HSD17B2: variants seen among roughly 807,000 people sequenced by gnomAD.
HSD17B2 encodes 17-beta-hydroxysteroid dehydrogenase type 2.
In HSD17B2, 32 loss-of-function variants were observed where a neutral mutation model predicts 26.9. The observed-to-expected ratio is 1.19, with a 90% CI of 0.90 to 1.60. HSD17B2 has a LOEUF of 1.60. Among genes scored for constraint, HSD17B2 ranks in the 40% most tolerant of loss-of-function variants. The pLI is 0.00. For missense variants in HSD17B2, 613 were observed against 468.6 expected (o/e 1.31, Z -2.85); for synonymous variants, 246 against 186.7 (o/e 1.32, Z -2.59).
intron 1 of HSD17B2, among the ~76,000 whole-genome samples, chr16:82,037,256 C>T (rs1482823440): frequency 1.3e-5 from 2 of 152,302 alleles, no homozygotes; most frequent in East Asian, 3.9e-4. Context: ...GTCACTTTCA[C>T]GTTCTTTGTT....
chr16:82,088,062 C>T (rs1158399217), intron 3 of HSD17B2, among the ~76,000 whole-genome samples: 1 of 152,128 alleles, frequency 6.6e-6, no homozygotes, highest in African/African-American at 2.4e-5. Context: ...ATCACAAAAG[C>T]TCATGTGCAC....
At chr16:82,093,208 C>T (rs1403028410) in intron 4 of HSD17B2, 1 of 152,192 alleles carries the variant, frequency 6.6e-6, no homozygotes, top group African/African-American at 2.4e-5. Context: ...CCTATATGAT[C>T]CTCTACCATC....
chr16:82,061,707 G>C (rs1454823814), intron 1 of HSD17B2, among the ~76,000 whole-genome samples: 1 of 152,164 alleles, frequency 6.6e-6, no homozygotes, highest in Non-Finnish European at 1.5e-5. Context: ...AGAAGAAAAA[G>C]AACATGAACA....
chr16:82,068,735 T>C (rs1056876187), intron 2 of HSD17B2, among the ~76,000 whole-genome samples: 2 of 152,164 alleles, frequency 1.3e-5, no homozygotes, highest in African/African-American at 4.8e-5. Flanking sequence ...TCATGGTCAC[T>C]GTCCTTCTTT....
chr16:82,070,395 T>C (rs765419175), intron 2 of HSD17B2, among the ~76,000 whole-genome samples: 2 of 152,218 alleles, frequency 1.3e-5, no homozygotes, highest in African/African-American at 2.4e-5. Flanking sequence ...CCACCTCGGC[T>C]ATCCCAATGC....
At chr16:82,074,953 C>T (rs1245822454) in intron 3 of HSD17B2, among the ~76,000 whole-genome samples, 3 of 152,098 alleles carry the variant, frequency 2.0e-5, no homozygotes, top group African/African-American at 4.8e-5. Flanking sequence ...TGTTAGGCCA[C>T]AAAACAAGTC....
chr16:82,038,955 CT>C (rs1913693857), intron 1 of HSD17B2, among the ~76,000 whole-genome samples: 1 of 152,102 alleles, frequency 6.6e-6, no homozygotes, highest in African/African-American at 2.4e-5. Context: ...GCAGTCACCC[CT>C]GTTCCCCCTT....
chr16:82,045,735 C>A (rs1913907177), intron 1 of HSD17B2, among the ~76,000 whole-genome samples: 2 of 152,216 alleles, frequency 1.3e-5, no homozygotes, highest in Non-Finnish European at 2.9e-5. Context: ...TCAGCTTAAT[C>A]CCAGTTTTCA....
intron 1 of HSD17B2, among the ~76,000 whole-genome samples, chr16:82,056,847 G>C (rs770560401): frequency 6.6e-6 from 1 of 152,168 alleles, no homozygotes; most frequent in Non-Finnish European, 1.5e-5. Flanking sequence ...TATGGACGTA[G>C]GGTTCAAATG....
At chr16:82,065,658 T>C (rs932392853) in intron 1 of HSD17B2, among the ~76,000 whole-genome samples, 1 of 152,224 alleles carries the variant, frequency 6.6e-6, no homozygotes, top group African/African-American at 2.4e-5. Context: ...TTCAGGTTAA[T>C]TCATACCCTT....
At chr16:82,059,527 T>G (rs1421283183) in intron 1 of HSD17B2, among the ~76,000 whole-genome samples, 3 of 152,130 alleles carry the variant, frequency 2.0e-5, no homozygotes, top group Non-Finnish European at 4.4e-5. Context: ...GGCATTGACT[T>G]TTTTTTAGAT....
At chr16:82,068,134 T>A (rs1216262385) in intron 1 of HSD17B2, 36 bp from the exon 2 acceptor site, 1 of 1,566,236 alleles carries the variant, frequency 6.4e-7, no homozygotes, top group South Asian at 1.1e-5. Flanking sequence ...GTCACTCTGG[T>A]TTGACCTCAC....
At chr16:82,085,078 G>C (rs1041202630) in intron 3 of HSD17B2, among the ~76,000 whole-genome samples, 6 of 152,204 alleles carry the variant, frequency 3.9e-5, no homozygotes, top group Non-Finnish European at 7.3e-5. Flanking sequence ...CAATCTTAGA[G>C]ATTCTTACAA....
At chr16:82,076,344 C>G (rs1335294081) in intron 3 of HSD17B2, among the ~76,000 whole-genome samples, 1 of 152,202 alleles carries the variant, frequency 6.6e-6, no homozygotes, top group Non-Finnish European at 1.5e-5. Flanking sequence ...AGGATGCCCA[C>G]TTTCACCACT....
At chr16:82,076,983 G>T (rs980631519) in intron 3 of HSD17B2, among the ~76,000 whole-genome samples, 3 of 152,092 alleles carry the variant, frequency 2.0e-5, no homozygotes, top group Non-Finnish European at 2.9e-5. Flanking sequence ...TCTCTACAAT[G>T]AAAATTATAT....
At chr16:82,035,878 G>C (rs770289555) in intron 1 of HSD17B2, among the ~76,000 whole-genome samples, 189 bp downstream of exon 1, 1 of 152,178 alleles carries the variant, frequency 6.6e-6, no homozygotes, top group East Asian at 1.9e-4. Flanking sequence ...GAAGGGGCTG[G>C]TAGTGGGAGG....
intron 4 of HSD17B2, chr16:82,097,472 C>T (rs552421287): frequency 3.3e-5 from 5 of 151,942 alleles, no homozygotes; most frequent in African/African-American, 1.2e-4. Context: ...CTTCCTGGGC[C>T]TCCCAAAGTG....
chr16:82,037,374 T>G (rs1239655268), intron 1 of HSD17B2, among the ~76,000 whole-genome samples: 1 of 152,230 alleles, frequency 6.6e-6, no homozygotes, highest in Non-Finnish European at 1.5e-5. Context: ...ATGAATTCAT[T>G]TTGTTAGACC....
chr16:82,097,219 TATGTC>T (rs1904866899), intron 4 of HSD17B2: 1 of 17,376 alleles, frequency 5.8e-5, no homozygotes, highest in Non-Finnish European at 1.2e-4. Context: ...TGTCTATGTC[TATGTC>T]TATGTCTATG....
Sources: gnomAD v4.1 joint callset for allele counts (sites outside exome capture counted in the v4.1 genomes callset) on GRCh38, gnomAD v4.1.1 for gene constraint, MANE v1.5 for transcripts, NCBI Gene and HGNC (gene_info 2026-07-23, HGNC 2026-07-21) for gene names.